Variants in KCNIP4 observed in about 807,000 individuals in gnomAD.
KCNIP4 encodes the protein potassium voltage-gated channel interacting protein 4, also known as Kv channel-interacting protein 4.
Under a neutral mutation model 34.0 loss-of-function variants are expected in KCNIP4, and 12 were observed. The observed-to-expected ratio is 0.35, with a 90% confidence interval of 0.23 to 0.57. The LOEUF (loss-of-function observed/expected upper bound fraction) is 0.57. Among genes scored for constraint, KCNIP4 ranks in the 20% least tolerant of loss-of-function variants. The probability of loss-of-function intolerance (pLI) is 0.83; values close to 1 mark genes in which losing one functional copy is unlikely to be tolerated. For synonymous variants in KCNIP4, 124 were observed against 102.2 expected (o/e 1.21, Z -1.29); for missense variants, 238 against 311.7 (o/e 0.76, Z 1.78).
At chr4:21,752,099 C>T (rs1474557586) in intron 1 of KCNIP4, among the ~76,000 whole-genome samples, 2 of 152,052 alleles carry the variant, frequency 1.3e-5, no homozygotes, top group East Asian at 3.9e-4. Context: ...TGTTTTTCTC[C>T]ACTTTATAAG....
chr4:20,769,719 GC>G (rs1394074239), intron 3 of KCNIP4, among the ~76,000 whole-genome samples: 8 of 152,160 alleles, frequency 5.3e-5, no homozygotes, highest in African/African-American at 1.9e-4. Flanking sequence ...TCTCATCTGG[GC>G]CTTGCAGTCC....
chr4:21,217,745 A>T (rs1486735178), intron 1 of KCNIP4, among the ~76,000 whole-genome samples: 2 of 152,114 alleles, frequency 1.3e-5, no homozygotes, highest in Non-Finnish European at 2.9e-5. Context: ...GCATGGAAGG[A>T]ATTAACAGAA....
chr4:21,691,329 A>G (rs1711611997), intron 1 of KCNIP4, among the ~76,000 whole-genome samples: 1 of 152,012 alleles, frequency 6.6e-6, no homozygotes, highest in Non-Finnish European at 1.5e-5. Flanking sequence ...TCCTGTACTC[A>G]AGGCCACCAC....
At chr4:21,167,114 A>G (rs902743256) in intron 1 of KCNIP4, among the ~76,000 whole-genome samples, 2 of 152,050 alleles carry the variant, frequency 1.3e-5, no homozygotes, top group African/African-American at 4.8e-5. Flanking sequence ...AAGGGTACAC[A>G]TTGTGTGATC....
At chr4:21,635,288 C>G (rs1746058582) in intron 1 of KCNIP4, among the ~76,000 whole-genome samples, 1 of 152,134 alleles carries the variant, frequency 6.6e-6, no homozygotes, top group African/African-American at 2.4e-5. Flanking sequence ...GATTAAAGTT[C>G]TGTTTTAAGT....
At chr4:20,873,572 C>G (rs1352555127) in intron 2 of KCNIP4, among the ~76,000 whole-genome samples, 1 of 152,136 alleles carries the variant, frequency 6.6e-6, no homozygotes, top group Admixed American at 6.6e-5. Context: ...GTTTTGACAC[C>G]TGTCTGTCTC....
intron 1 of KCNIP4, among the ~76,000 whole-genome samples, chr4:21,494,239 C>T (rs1012025085): frequency 5.3e-5 from 8 of 152,088 alleles, no homozygotes; most frequent in African/African-American, 1.9e-4. Flanking sequence ...ATTTAATCAG[C>T]ATGAGTGTTA....
intron 1 of KCNIP4, among the ~76,000 whole-genome samples, chr4:21,378,859 A>G (rs906062385): frequency 6.6e-6 from 1 of 152,188 alleles, no homozygotes; most frequent in Admixed American, 6.6e-5. Flanking sequence ...CATACTACGT[A>G]GCTATCTACA....
intron 1 of KCNIP4, among the ~76,000 whole-genome samples, chr4:21,235,076 A>C (rs61416654): frequency 0.028 from 4,219 of 152,280 alleles, 199 homozygotes; most frequent in African/African-American, 0.097. Context: ...ACATAAAAGT[A>C]GTCAATATAA....
chr4:21,467,081 C>A (rs866653057), intron 1 of KCNIP4, among the ~76,000 whole-genome samples: 2 of 104,612 alleles, frequency 1.9e-5, no homozygotes, highest in Admixed American at 1.8e-4. Flanking sequence ...CAAACACACA[C>A]ACACACACAC....
At chr4:21,578,740 A>G (rs1195595073) in intron 1 of KCNIP4, among the ~76,000 whole-genome samples, 1 of 152,124 alleles carries the variant, frequency 6.6e-6, no homozygotes, top group Non-Finnish European at 1.5e-5. Flanking sequence ...TTGGCAACTG[A>G]GGGCAAGCAA....
At chr4:21,679,938 T>C (rs996133440) in intron 1 of KCNIP4, among the ~76,000 whole-genome samples, 4 of 152,254 alleles carry the variant, frequency 2.6e-5, no homozygotes, top group African/African-American at 9.6e-5. Flanking sequence ...GTCTTGCCTC[T>C]ATGCTGACAA....
chr4:21,416,521 A>G (rs1724968189), intron 1 of KCNIP4, among the ~76,000 whole-genome samples: 1 of 152,200 alleles, frequency 6.6e-6, no homozygotes, highest in Non-Finnish European at 1.5e-5. Flanking sequence ...AACAAGTGGC[A>G]ATTACTTTGT....
chr4:21,376,731 T>C (rs577240433), intron 1 of KCNIP4, among the ~76,000 whole-genome samples: 2 of 152,224 alleles, frequency 1.3e-5, no homozygotes, highest in Non-Finnish European at 2.9e-5. Flanking sequence ...GACTTGAGAA[T>C]AACGGGTCTT....
chr4:21,189,342 C>T (rs1755467642), intron 1 of KCNIP4, among the ~76,000 whole-genome samples: 1 of 152,168 alleles, frequency 6.6e-6, no homozygotes, highest in Non-Finnish European at 1.5e-5. Context: ...ACATCCAGCT[C>T]CTGGTCCTTT....
intron 1 of KCNIP4, among the ~76,000 whole-genome samples, chr4:21,835,283 G>T (rs991878924): frequency 2.0e-5 from 3 of 151,926 alleles, no homozygotes; most frequent in Non-Finnish European, 2.9e-5. Context: ...ACTAATAAAT[G>T]ACTATTTGCA....
At chr4:21,082,657 C>T (rs776193456) in intron 1 of KCNIP4, among the ~76,000 whole-genome samples, 1 of 151,628 alleles carries the variant, frequency 6.6e-6, no homozygotes, top group Non-Finnish European at 1.5e-5. Flanking sequence ...AAACTTGTTA[C>T]CTAAGGGCAA....
chr4:20,819,140 G>A (rs193082475), intron 3 of KCNIP4, among the ~76,000 whole-genome samples: 38 of 152,050 alleles, frequency 2.5e-4, no homozygotes, highest in Non-Finnish European at 4.7e-4. Flanking sequence ...GATTACAGGC[G>A]TGAGCCACAG....
intron 1 of KCNIP4, among the ~76,000 whole-genome samples, chr4:21,174,629 G>A (rs1027195644): frequency 1.3e-5 from 2 of 152,174 alleles, no homozygotes; most frequent in African/African-American, 4.8e-5. Flanking sequence ...GCTGGGCGCA[G>A]TGGCTCATGC....
Sources: allele counts gnomAD v4.1 joint callset (sites outside exome capture counted in the v4.1 genomes callset), GRCh38; gene constraint gnomAD v4.1.1; transcripts MANE v1.5; gene names NCBI Gene and HGNC (gene_info 2026-07-23, HGNC 2026-07-21).